Variants in WWC2 observed in about 807,000 individuals in gnomAD.
WWC2 encodes the protein protein WWC2.
Under a neutral mutation model 138.5 loss-of-function variants are expected in WWC2, and 101 were observed. The ratio of observed to expected loss-of-function variants is 0.73; its 90% confidence interval spans 0.62 to 0.86. The LOEUF (loss-of-function observed/expected upper bound fraction) is 0.86, where lower values mean the gene tolerates loss of function less well. Among genes scored for constraint, WWC2 ranks in the 40% least tolerant of loss-of-function variants. WWC2 has a pLI of 0.00. For synonymous variants in WWC2, 558 were observed against 538.4 expected (o/e 1.04, Z -0.50); for missense variants, 1,420 against 1,419.4 (o/e 1.00, Z -0.01).
chr4:183,264,939 AAG>A lies in WWC2; in HGVS notation c.1910-37_1910-36del, dbSNP rs769289897. The A allele has an allele frequency of 7.7e-5, 122 of 1,578,418 alleles. 1 individual carries two copies. The South Asian group carries it at 1.4e-3, about 19-fold the overall frequency. On this transcript the variant is annotated intron_variant, in intron 11 of 22. Transcript: ENST00000403733. ...TATTTAATACTTAACTTTTCCAAAT[AAG>A]ACATTCTGATTAGTGCTCTCACCCT... is the stretch of plus-strand genomic sequence containing the variant.
In WWC2 at chr4:183,175,529, C is replaced by T. The variant is rs537965033; in HGVS notation, c.132-18070C>T. 7.0e-4 allele frequency among the ~76,000 whole-genome samples: 107 copies of T among 152,310 alleles called. 1 individual carries two copies. Among genetic ancestry groups the T allele is most frequent in the Non-Finnish European group, 1.3e-3 (90 of 68,020 alleles). On this transcript the variant is annotated intron_variant, in intron 1 of 22. Coordinates refer to ENST00000403733, the MANE Select transcript of WWC2 (RefSeq NM_024949.6). ...CGGCCCACATCAGTCTCCCAAAGTG[C>T]TTGGATTACAGGCGTGAGCCACCGT...
intron 1 of WWC2, among the ~76,000 whole-genome samples, chr4:183,166,657 A>G (rs1734138292): frequency 1.3e-5 from 2 of 152,210 alleles, no homozygotes; most frequent in South Asian, 2.1e-4. Flanking sequence ...AATTCAACCA[A>G]TATTTGTTGA....
chr4:183,291,116 G>C (rs746395054), intron 21 of WWC2, among the ~76,000 whole-genome samples: 26 of 152,210 alleles, frequency 1.7e-4, no homozygotes, highest in Non-Finnish European at 3.7e-4. Flanking sequence ...GTGAATACAG[G>C]ATAATTAGGC....
chr4:183,129,682 C>T (rs1732863496), intron 1 of WWC2, among the ~76,000 whole-genome samples: 1 of 152,130 alleles, frequency 6.6e-6, no homozygotes, highest in African/African-American at 2.4e-5. Context: ...TTAGATGAAT[C>T]GATTTGTACC....
chr4:183,198,250 A>T (rs192285935), intron 2 of WWC2, among the ~76,000 whole-genome samples: 16 of 152,344 alleles, frequency 1.1e-4, no homozygotes, highest in Admixed American at 4.6e-4. Context: ...AAAGTAGAAA[A>T]TATAGATAAA....
Position 183,211,533 on chromosome 4 carries a change from C to T in WWC2, c.522+2508C>T, listed in dbSNP as rs1735597814. On this transcript the variant is annotated intron_variant, in intron 4 of 22. Transcript: ENST00000403733. ...GACTGTAGCCTGGGCTTCAGTCCTT[C>T]TCTAAGGGCGGGTCAATTTCCAGTT... is the stretch of plus-strand genomic sequence containing the variant. Among the ~76,000 whole-genome samples the T allele has an allele frequency of 2.6e-5, 4 of 152,162 alleles. No homozygotes were observed. In the South Asian group the frequency reaches 6.2e-4, roughly 24 times the overall value.
At chr4:183,284,202 A>G (rs1358767317) in intron 18 of WWC2, 24 bp from the exon 19 acceptor site, 14 of 1,607,492 alleles carry the variant, frequency 8.7e-6, no homozygotes, top group African/African-American at 1.3e-5. Flanking sequence ...TCAGCTCCTG[A>G]CAAATTGTTA....
chr4:183,306,880 G>GAAAAAAAAAAAAAA (rs1739038205), intron 21 of WWC2, among the ~76,000 whole-genome samples: 1 of 27,570 alleles, frequency 3.6e-5, no homozygotes, highest in African/African-American at 1.1e-4. Context: ...TATATATGAG[G>GAAAAAAAAAAAAAA]CAAAAAAAAA....
At chr4:183,276,901 C>G (rs1737872029) in intron 16 of WWC2, among the ~76,000 whole-genome samples, 1 of 151,970 alleles carries the variant, frequency 6.6e-6, no homozygotes, top group South Asian at 2.1e-4. Context: ...TTATTGTCAT[C>G]TAGCTTCCAT....
intron 2 of WWC2, among the ~76,000 whole-genome samples, chr4:183,204,884 G>A (rs1735402574): frequency 1.3e-5 from 2 of 152,090 alleles, no homozygotes. Context: ...TTTGTGTCTG[G>A]CATCTTTTCA....
chr4:183,191,137 A>G (rs949916587), intron 1 of WWC2, among the ~76,000 whole-genome samples: 3 of 152,112 alleles, frequency 2.0e-5, no homozygotes, highest in Admixed American at 2.0e-4. Flanking sequence ...CAAAGAGACC[A>G]TGTATGTAGA....
At chr4:183,172,463 G>C (rs147151892) in intron 1 of WWC2, among the ~76,000 whole-genome samples, 81 of 151,896 alleles carry the variant, frequency 5.3e-4, no homozygotes, top group African/African-American at 1.9e-3. Flanking sequence ...TTCCAGGTTG[G>C]AAGTAATTTG....
intron 20 of WWC2, among the ~76,000 whole-genome samples, chr4:183,288,147 A>G (rs1446548241): frequency 6.6e-6 from 1 of 152,188 alleles, no homozygotes; most frequent in Admixed American, 6.5e-5. Flanking sequence ...AGGGAACCTA[A>G]TAAGAAGAAT....
At chr4:183,288,802 T>G (rs986142866) in intron 20 of WWC2, among the ~76,000 whole-genome samples, 1 of 152,258 alleles carries the variant, frequency 6.6e-6, no homozygotes, top group African/African-American at 2.4e-5. Flanking sequence ...CAACTCAGTT[T>G]AAGCATTCTG....
chr4:183,184,998 T>C (rs1433194182), intron 1 of WWC2, among the ~76,000 whole-genome samples: 3 of 152,208 alleles, frequency 2.0e-5, no homozygotes, highest in Non-Finnish European at 4.4e-5. Context: ...CACTTCTCCA[T>C]CACCTGGTTG....
intron 1 of WWC2, among the ~76,000 whole-genome samples, chr4:183,192,725 T>C (rs4429760): frequency 0.97 from 148,290 of 152,226 alleles, 72,358 homozygotes; most frequent in East Asian, 1. Flanking sequence ...CTAGTGGTGC[T>C]AGTGCATTAA....
chr4:183,159,854 CA>C (rs1733910010), intron 1 of WWC2, among the ~76,000 whole-genome samples: 1 of 151,908 alleles, frequency 6.6e-6, no homozygotes, highest in African/African-American at 2.4e-5. Context: ...CATATTTGAT[CA>C]CAGTGTAGGG....
chr4:183,157,600 A>G (rs1733843090), intron 1 of WWC2, among the ~76,000 whole-genome samples: 1 of 152,162 alleles, frequency 6.6e-6, no homozygotes, highest in South Asian at 2.1e-4. Flanking sequence ...TCCTGGGTTC[A>G]AGCGATTCTC....
At chr4:183,192,944 C>T (rs566600573) in intron 1 of WWC2, among the ~76,000 whole-genome samples, 79 of 152,182 alleles carry the variant, frequency 5.2e-4, no homozygotes, top group African/African-American at 1.8e-3. Flanking sequence ...GAGAAAAATC[C>T]TACAGAGAAA....
Sources: gnomAD v4.1 joint callset for allele counts (sites outside exome capture counted in the v4.1 genomes callset) on GRCh38, gnomAD v4.1.1 for gene constraint, MANE v1.5 for transcripts, NCBI Gene and HGNC (gene_info 2026-07-23, HGNC 2026-07-21) for gene names.